Variants in HMGCL observed in about 807,000 individuals in gnomAD.
The protein encoded by HMGCL is 3-hydroxy-3-methylglutaryl-CoA lyase.
In HMGCL, 26 loss-of-function variants were observed where a neutral mutation model predicts 37.3. The ratio of observed to expected loss-of-function variants is 0.70; its 90% CI spans 0.51 to 0.97. The LOEUF is 0.97. Ranked by LOEUF, HMGCL falls within the 50% of genes least tolerant of loss-of-function variation. The pLI is 0.00. For missense variants in HMGCL, 379 were observed against 398.1 expected (o/e 0.95, Z 0.41); for synonymous variants, 151 against 148.0 (o/e 1.02, Z -0.15).
In HMGCL at chr1:23,806,778, TG is replaced by T; in HGVS notation, c.750+1356del. The stretch of plus-strand genomic sequence containing the variant: ...GCTGAATCCTTAATGCTGAGAACAG[TG>T]CCTAGCACACTAGGCACCGTTAGGT... On this transcript the variant is annotated intron_variant, in intron 7 of 8. Transcript: ENST00000374490. The surrounding 1 kb of genome is among the most constrained non-coding windows in gnomAD (Gnocchi z 4.0). The T allele has an allele frequency of 2.7e-6, 1 of 365,098 alleles. No homozygotes were observed. The highest frequency in any genetic ancestry group is 2.1e-5 in the South Asian group (1 of 48,598). The allele number at this position is 365,098 out of a possible 1,614,324, so 22.6% of individuals were successfully genotyped here.
At chr1:23,824,742 T>C (rs899251566) in intron 1 of HMGCL, among the ~76,000 whole-genome samples, 2 of 152,200 alleles carry the variant, frequency 1.3e-5, no homozygotes, top group Non-Finnish European at 2.9e-5. Flanking sequence ...TGTCATTAAG[T>C]CTAGAAAGTG....
chr1:23,805,184 C>T (rs1638384750), intron 7 of HMGCL, among the ~76,000 whole-genome samples: 1 of 152,128 alleles, frequency 6.6e-6, no homozygotes. Context: ...GGACCCTGAG[C>T]TCCTAGCCAA....
In HMGCL at chr1:23,806,702, A is replaced by G; in HGVS notation, c.750+1433T>C. On this transcript the variant is annotated intron_variant, in intron 7 of 8. Transcript: ENST00000374490. This position sits in a 1 kb window ranked among gnomAD's most constrained non-coding sequence, Gnocchi z 4.0. Reference sequence around the variant, plus strand: ...TGTTTGTTTATTTATTATCTGTCTCATAGTACTAGAGTGTCAGCCTCATGA... The same window carrying G: ...TGTTTGTTTATTTATTATCTGTCTCGTAGTACTAGAGTGTCAGCCTCATGA... 3.0e-6 allele frequency: 1 copy of G among 330,128 alleles called. No individual in the cohort carries two copies. The highest frequency in any genetic ancestry group is 6.0e-6 in the Non-Finnish European group (1 of 167,586). The allele number at this position is 330,128 out of a possible 1,614,324, so 20.4% of individuals were successfully genotyped here. A position where few individuals can be genotyped will look rare whatever the true frequency, so the allele number is the denominator to read the frequency against.
intron 1 of HMGCL, among the ~76,000 whole-genome samples, chr1:23,823,287 C>T (rs891332190): frequency 1.2e-4 from 18 of 151,450 alleles, no homozygotes; most frequent in Admixed American, 6.6e-4. Flanking sequence ...CAGCTCTTCA[C>T]ATAATAATTC....
chr1:23,808,161 G>C lies in HMGCL; in HGVS notation c.724C>G (p.Leu242Val). The change falls in exon 7 of 9, where the codon CTG becomes GTG. Residue 242 changes from leucine (L) to valine (V), a missense_variant. Transcript: ENST00000374490. ...TGCAGGGCCATCAAGGTGTTGGCCA[G>C]GGCTTGACCATAGGTGTCATGGCAG... Reference protein sequence around the residue: ...VHCHDTYGQALANTLMALQMG... With the variant: ...VHCHDTYGQAVANTLMALQMG... The C allele has an allele frequency of 6.2e-7, 1 of 1,614,138 alleles. No individual in the cohort carries two copies. The highest frequency in any genetic ancestry group is 1.7e-5 in the Admixed American group (1 of 60,026).
At chr1:23,824,145 G>C (rs1638773894) in intron 1 of HMGCL, among the ~76,000 whole-genome samples, 1 of 152,190 alleles carries the variant, frequency 6.6e-6, no homozygotes, top group African/African-American at 2.4e-5. Context: ...AGTGTCCTGA[G>C]GTATGGTGTA....
rs558109363 is a variant in HMGCL, at chr1:23,806,402, C to T, written c.750+1733G>A. Among the ~76,000 whole-genome samples the T allele has an allele frequency of 1.3e-5, 2 of 152,212 alleles. No individual in the cohort carries two copies. The highest frequency in any genetic ancestry group is 2.9e-5 in the Non-Finnish European group (2 of 68,028). The stretch of plus-strand genomic sequence containing the variant: ...CTCTAACCCTGACATCTCTGCCCCC[C>T]TCTCCTCAGTCACACTGCTCCCGCC... On this transcript the variant is annotated intron_variant, in intron 7 of 8. Coordinates refer to ENST00000374490, the MANE Select transcript of HMGCL (RefSeq NM_000191.3). This position sits in a 1 kb window ranked among gnomAD's most constrained non-coding sequence, Gnocchi z 4.0.
chr1:23,807,452 T>C (rs997187472), intron 7 of HMGCL, among the ~76,000 whole-genome samples: 10 of 152,152 alleles, frequency 6.6e-5, no homozygotes, highest in Admixed American at 3.9e-4. Flanking sequence ...ATCCTAGAGA[T>C]GGAAGGTTAG....
intron 1 of HMGCL, among the ~76,000 whole-genome samples, chr1:23,822,477 A>G (rs1638738852): frequency 6.6e-6 from 1 of 152,138 alleles, no homozygotes; most frequent in South Asian, 2.1e-4. Flanking sequence ...TACAGATTTA[A>G]TCTGGATAAA....
chr1:23,807,565 A>G (rs1389094129), intron 7 of HMGCL, among the ~76,000 whole-genome samples: 3 of 152,144 alleles, frequency 2.0e-5, no homozygotes, highest in Admixed American at 2.0e-4. Flanking sequence ...ACGAGAAGCA[A>G]ACCTCAAAGG....
chr1:23,822,308 C>T (rs570222460), intron 1 of HMGCL, among the ~76,000 whole-genome samples: 15 of 152,084 alleles, frequency 9.9e-5, no homozygotes, highest in Non-Finnish European at 1.5e-4. Context: ...GGAGGTGACA[C>T]CCCCAGTAGC....
chr1:23,810,517 T>G, intron 6 of HMGCL: 1 of 546,316 alleles, frequency 1.8e-6, no homozygotes, highest in Non-Finnish European at 3.4e-6. Context: ...TCAGGCTGGA[T>G]AGAGGCCAGG....
At chr1:23,810,194 T>G in intron 6 of HMGCL, 1 of 167,446 alleles carries the variant, frequency 6.0e-6, no homozygotes. Context: ...AGAGAAAAAA[T>G]GGGGTTTGAT....
chr1:23,805,958 T>C (rs1366530495), intron 7 of HMGCL, among the ~76,000 whole-genome samples: 1 of 151,986 alleles, frequency 6.6e-6, no homozygotes, highest in Admixed American at 6.6e-5. Flanking sequence ...TTTTTTTTTT[T>C]TGATAAGAAG....
At chr1:23,812,129 G>A (rs907933962) in intron 5 of HMGCL, among the ~76,000 whole-genome samples, 3 of 152,148 alleles carry the variant, frequency 2.0e-5, no homozygotes, top group Non-Finnish European at 2.9e-5. Context: ...GACTGGGAGA[G>A]ATGTGGGCTT....
chr1:23,810,055 C>G (rs2473375), intron 6 of HMGCL: 1 of 153,930 alleles, frequency 6.5e-6, no homozygotes, highest in Admixed American at 6.4e-5. Flanking sequence ...TTTGGTCATA[C>G]GGCAAGGATT....
intron 5 of HMGCL, 100 bp downstream of exon 5, chr1:23,814,090 C>T (rs1638570800): frequency 1.5e-6 from 2 of 1,329,224 alleles, no homozygotes; most frequent in Non-Finnish European, 2.2e-6. Flanking sequence ...GCTGCCCCCA[C>T]CCAGGATAAG....
rs755329065 is a variant in HMGCL at position 23,804,410 on chromosome 1, C to T, written c.866G>A (p.Gly289Asp). 6.2e-7 allele frequency: 1 copy of T among 1,614,098 alleles called. No homozygotes were observed. Among genetic ancestry groups the T allele is most frequent in the Admixed American group, 1.7e-5 (1 of 60,008 alleles). Residue 289 changes from glycine (G) to aspartate (D), a missense_variant, in exon 8 of 9, where the codon GGC becomes GAC. Coordinates refer to ENST00000374490, the MANE Select transcript of HMGCL (RefSeq NM_000191.3). ...EDLVYMLEGL[G>D]IHTGVNLQKL... ...GGTGGGTGGGCTTACCGTGTGAATG[C>T]CCAAGCCCTCTAGCATGTAGACCAG...
In HMGCL at chr1:23,814,282, G is replaced by C; in HGVS notation, c.405C>G (p.Thr135=). ...CTATGGAACAATTGATGTTCTTCTTGGTGAAGAGCTCTGAGGCAGCTCCAA... is the reference window on the plus strand; with the variant it reads ...CTATGGAACAATTGATGTTCTTCTTCGTGAAGAGCTCTGAGGCAGCTCCAA... ...VIFGAASELF[T]KKNINCSIEE... Residue 135 remains threonine, a synonymous_variant, in exon 5 of 9, where the codon ACC becomes ACG. Transcript: ENST00000374490. The C allele has an allele frequency of 1.2e-6, 2 of 1,613,802 alleles. No homozygotes were observed. Among genetic ancestry groups the C allele is most frequent in the Non-Finnish European group, 1.7e-6 (2 of 1,179,904 alleles).
Sources: gnomAD v4.1 joint callset for allele counts (sites outside exome capture counted in the v4.1 genomes callset) on GRCh38, gnomAD v4.1.1 for gene constraint, Gnocchi (gnomAD v3.1) non-coding constraint, MANE v1.5 for transcripts, NCBI Gene and HGNC (gene_info 2026-07-23, HGNC 2026-07-21) for gene names.